C21orf91: variants seen among roughly 807,000 people sequenced by gnomAD.
C21orf91 encodes protein EURL homolog.
A neutral mutation model predicts 32.9 loss-of-function variants in C21orf91; 26 were observed. The observed-to-expected ratio is 0.79, with a 90% CI of 0.58 to 1.10. C21orf91 has a LOEUF of 1.10. C21orf91 is among the 50% of genes least tolerant of loss of function. C21orf91 has a pLI of 0.00. For missense variants in C21orf91, 310 were observed against 341.3 expected, an observed-to-expected ratio of 0.91 and a Z score of 0.72; for synonymous variants, 126 against 120.4, an observed-to-expected ratio of 1.05 and a Z score of -0.31.
chr21:17,808,465 CAA>C (rs1378837469), intron 2 of C21orf91, among the ~76,000 whole-genome samples: 3 of 152,328 alleles, frequency 2.0e-5, no homozygotes, highest in African/African-American at 4.8e-5. Flanking sequence ...GGAGCCCCCA[CAA>C]AGAGTCCCCA....
intron 2 of C21orf91, among the ~76,000 whole-genome samples, chr21:17,802,557 G>T (rs140835322): frequency 1.3e-5 from 2 of 151,848 alleles, no homozygotes; most frequent in Non-Finnish European, 2.9e-5. Context: ...ATTTTTTTTC[G>T]TAACAAAAAT....
chr21:17,803,837 G>A (rs754476695), intron 2 of C21orf91, among the ~76,000 whole-genome samples: 4 of 151,906 alleles, frequency 2.6e-5, no homozygotes, highest in Non-Finnish European at 4.4e-5. Flanking sequence ...GTGGGTAGAA[G>A]TGGCACTCCC....
At chr21:17,798,883 G>T (rs762984334) in intron 2 of C21orf91, among the ~76,000 whole-genome samples, 5 of 152,146 alleles carry the variant, frequency 3.3e-5, no homozygotes, top group Admixed American at 2.0e-4. Context: ...CCAATGCTTA[G>T]TTTTCTGGGA....
intron 2 of C21orf91, among the ~76,000 whole-genome samples, chr21:17,808,281 A>G (rs776905785): frequency 1.3e-5 from 2 of 152,250 alleles, no homozygotes; most frequent in Non-Finnish European, 2.9e-5. Context: ...GGGGGCTTCC[A>G]CGTGGTGTTA....
chr21:17,802,136 T>C (rs192788125), intron 2 of C21orf91, among the ~76,000 whole-genome samples: 1 of 152,226 alleles, frequency 6.6e-6, no homozygotes, highest in African/African-American at 2.4e-5. Context: ...ACTCAAATGT[T>C]TAGATGTTTA....
chr21:17,796,786 T>C lies in C21orf91; in HGVS notation c.460A>G (p.Ile154Val), dbSNP rs547937971. ...AKWIDGSAGG[I>V]SNCTQRILEQ... Reference sequence around the variant, plus strand: ...AAAATTCTTTGTGTACAGTTAGAGATGCCACCTGCACTTCCATCTATCCAT... The same window carrying C: ...AAAATTCTTTGTGTACAGTTAGAGACGCCACCTGCACTTCCATCTATCCAT... The change falls in exon 3 of 5, where the codon ATC (isoleucine) becomes GTC (valine). Residue 154 changes from isoleucine (I) to valine (V), a missense_variant. Coordinates refer to ENST00000284881, the MANE Select transcript of C21orf91 (RefSeq NM_001100420.2). 1.9e-6 allele frequency: 3 copies of C among 1,613,870 alleles called. No homozygotes were observed. The highest frequency in any genetic ancestry group is 2.5e-6 in the Non-Finnish European group (3 of 1,179,740).
Position 17,793,453 on chromosome 21 carries a change from G to A in C21orf91, c.856C>T (p.Arg286Ter), listed in dbSNP as rs772445287. ...GGTAGGTGCGACTTCATTCCTGTTC[G>A]CCCTACTTGCAGACATGGTAACTTA... ...CSKLPCLQVG[R>*]TGMKSHLPIN... The change falls in exon 5 of 5, where the codon CGA becomes TGA. Residue 286 changes from arginine (R) to a stop codon, truncating the protein, a stop_gained. Coordinates refer to ENST00000284881, the MANE Select transcript of C21orf91 (RefSeq NM_001100420.2). LOFTEE classifies it high-confidence loss of function. 1.5e-5 allele frequency: 24 copies of A among 1,612,254 alleles called. No homozygotes were observed. The highest frequency in any genetic ancestry group is 3.3e-5 in the Admixed American group (2 of 59,818).
intron 2 of C21orf91, among the ~76,000 whole-genome samples, chr21:17,809,721 G>A (rs183769594): frequency 7.9e-5 from 12 of 151,984 alleles, no homozygotes; most frequent in African/African-American, 2.4e-4. Context: ...CATGATTTTG[G>A]GGATTTGTTT....
At chr21:17,801,733 T>C (rs932737271) in intron 2 of C21orf91, among the ~76,000 whole-genome samples, 2 of 151,614 alleles carry the variant, frequency 1.3e-5, no homozygotes, top group Non-Finnish European at 2.9e-5. Flanking sequence ...TTAGGAGAAA[T>C]ACCTAATGTA....
chr21:17,796,877 G>A lies in C21orf91; in HGVS notation c.369C>T (p.Phe123=). 3 of 1,613,906 alleles carry A rather than the reference G, an allele frequency of 1.9e-6. No homozygotes were observed. Among genetic ancestry groups the A allele is most frequent in the Non-Finnish European group, 1.7e-6 (2 of 1,179,916 alleles). Residue 123 remains phenylalanine (F), a synonymous_variant, in exon 3 of 5, where the codon TTC becomes TTT. Coordinates refer to ENST00000284881, the MANE Select transcript of C21orf91 (RefSeq NM_001100420.2). Reference sequence around the variant, plus strand: ...GTAATTTTTCTTCTGGCTTATGCCTGAAATTAAACAGATGATGCTGGGGGT... The same window carrying A: ...GTAATTTTTCTTCTGGCTTATGCCTAAAATTAAACAGATGATGCTGGGGGT... ...SKNPQHHLFN[F]RHKPEEKLLP... is the part of the protein sequence containing the mutation.
intron 3 of C21orf91, among the ~76,000 whole-genome samples, chr21:17,796,192 T>C (rs1568749002): frequency 6.6e-6 from 1 of 152,212 alleles, no homozygotes. Flanking sequence ...TAGTAAAATG[T>C]CACATTTTTG....
At chr21:17,811,188 T>C (rs571980661) in intron 2 of C21orf91, among the ~76,000 whole-genome samples, 3 of 152,222 alleles carry the variant, frequency 2.0e-5, no homozygotes, top group Non-Finnish European at 2.9e-5. Context: ...ACCTTTGTGA[T>C]TTTTGGAATA....
chr21:17,797,716 T>C (rs897804460), intron 2 of C21orf91, among the ~76,000 whole-genome samples: 5 of 151,948 alleles, frequency 3.3e-5, no homozygotes, highest in African/African-American at 1.2e-4. Flanking sequence ...TAAAACCTTA[T>C]CAAGATAATT....
chr21:17,817,359 AT>A (rs1478765656), intron 2 of C21orf91, among the ~76,000 whole-genome samples: 1 of 152,188 alleles, frequency 6.6e-6, no homozygotes, highest in East Asian at 1.9e-4. Flanking sequence ...ATCATGAAAA[AT>A]TTCAAATATA....
At position 17,797,031 on chromosome 21, in the gene C21orf91, C is replaced by G; in HGVS notation, c.215G>C (p.Gly72Ala). The G allele has an allele frequency of 6.2e-7, 1 of 1,612,096 alleles. No homozygotes were observed. The highest frequency in any genetic ancestry group is 2.2e-5 in the East Asian group (1 of 44,854). ...TTTTGAAAGCTTAGATCGAGGACAA[C>G]CCTGGTTTGCAATTAAATGGTATTT... ...FEKYHLIANQGCPRSKLSKST... is the reference protein window; with the variant it reads ...FEKYHLIANQACPRSKLSKST... Residue 72 changes from glycine to alanine, a missense_variant, in exon 3 of 5, where the codon GGT (glycine) becomes GCT (alanine). Coordinates refer to ENST00000284881, the MANE Select transcript of C21orf91 (RefSeq NM_001100420.2).
intron 1 of C21orf91, 26 bp from the exon 2 acceptor site, chr21:17,818,351 T>TA (rs1025635989): frequency 6.3e-7 from 1 of 1,580,626 alleles, no homozygotes; most frequent in Non-Finnish European, 8.6e-7. Context: ...AAAGGAAAGT[T>TA]ACACAATTTC....
intron 2 of C21orf91, among the ~76,000 whole-genome samples, chr21:17,814,425 A>C (rs1022532109): frequency 3.9e-5 from 6 of 152,224 alleles, no homozygotes; most frequent in African/African-American, 1.4e-4. Flanking sequence ...AGAAGCAGAC[A>C]ATTTATTTTA....
At position 17,790,338 on chromosome 21, in the gene C21orf91, C is replaced by G. The variant is rs907858519; in HGVS notation, c.*3077G>C. On this transcript the variant is annotated 3_prime_UTR_variant, in exon 5 of 5. Transcript: ENST00000284881. Reference sequence around the variant, plus strand: ...AAAACTACAAAAATGGACTAACAAGCCTTACCAGTGTAAACACTAAGGTAA... The same window carrying G: ...AAAACTACAAAAATGGACTAACAAGGCTTACCAGTGTAAACACTAAGGTAA... 2.6e-5 allele frequency: 4 copies of G among 152,010 alleles called. No homozygotes were observed. The highest frequency in any genetic ancestry group is 9.7e-5 in the African/African-American group (4 of 41,420). 9.4% of individuals were successfully genotyped at this position (152,010 alleles called of 1,614,324 possible).
rs552719881 is a variant in C21orf91 at position 17,789,835 on chromosome 21, C to G, written c.*3580G>C. ...CCTGCCCCATGACCACAAAACTTTA[C>G]TTGGTAAGAATAAACTGTTGGGGGT... On this transcript the variant is annotated 3_prime_UTR_variant, in exon 5 of 5. Transcript: ENST00000284881. 2.6e-5 allele frequency: 4 copies of G among 152,206 alleles called. No homozygotes were observed. The highest frequency in any genetic ancestry group is 2.0e-4 in the Admixed American group (3 of 15,276). The allele number at this position is 152,206 out of a possible 1,614,324, so 9.4% of individuals were successfully genotyped here.
Sources: allele counts gnomAD v4.1 joint callset (sites outside exome capture counted in the v4.1 genomes callset), GRCh38; gene constraint gnomAD v4.1.1; transcripts MANE v1.5; gene names NCBI Gene and HGNC (gene_info 2026-07-23, HGNC 2026-07-21).